The following IGSF11 variants were observed in gnomAD, a reference collection of about 807,000 sequenced individuals.
The protein encoded by IGSF11 is CXADR like 1.
In IGSF11, 22 loss-of-function variants were observed where a neutral mutation model predicts 41.0. The ratio of observed to expected loss-of-function variants is 0.54; its 90% CI spans 0.38 to 0.77. IGSF11 has a LOEUF of 0.77. IGSF11 is among the 30% of genes least tolerant of loss of function. The pLI is 0.00. For missense variants in IGSF11, 444 were observed against 530.8 expected, an observed-to-expected ratio of 0.84 and a Z score of 1.61; for synonymous variants, 219 against 201.3, an observed-to-expected ratio of 1.09 and a Z score of -0.74.
At chr3:118,944,541 C>T (rs1229502620) in intron 1 of IGSF11, among the ~76,000 whole-genome samples, 1 of 150,242 alleles carries the variant, frequency 6.7e-6, no homozygotes, top group Non-Finnish European at 1.5e-5. Flanking sequence ...CTTCAGATTT[C>T]AAAATTCTGC....
intron 1 of IGSF11, among the ~76,000 whole-genome samples, chr3:119,084,111 G>A (rs2076631985): frequency 6.6e-6 from 1 of 152,122 alleles, no homozygotes; most frequent in Non-Finnish European, 1.5e-5. Flanking sequence ...AAAAATAGAG[G>A]AGGGGGCAAG....
At chr3:119,052,121 C>A (rs145913346) in intron 1 of IGSF11, among the ~76,000 whole-genome samples, 1 of 151,910 alleles carries the variant, frequency 6.6e-6, no homozygotes, top group East Asian at 1.9e-4. Flanking sequence ...AAAGAAATAA[C>A]AAATATCAGA....
At chr3:118,940,624 T>C (rs1231392582) in intron 1 of IGSF11, among the ~76,000 whole-genome samples, 1 of 152,082 alleles carries the variant, frequency 6.6e-6, no homozygotes, top group Admixed American at 6.5e-5. Flanking sequence ...TTAGATTTAA[T>C]AGAACCCAAA....
intron 1 of IGSF11, among the ~76,000 whole-genome samples, chr3:119,017,735 A>T (rs1938865345): frequency 6.6e-6 from 1 of 151,264 alleles, no homozygotes; most frequent in Non-Finnish European, 1.5e-5. Flanking sequence ...CTAAAATTAT[A>T]AACTCAGTGG....
At chr3:119,093,710 T>G (rs1269167622) in intron 1 of IGSF11, among the ~76,000 whole-genome samples, 1 of 152,148 alleles carries the variant, frequency 6.6e-6, no homozygotes, top group African/African-American at 2.4e-5. Context: ...TCTGACATCA[T>G]CAGAGGTAAA....
chr3:119,110,791 G>A (rs1025504423), intron 1 of IGSF11, among the ~76,000 whole-genome samples: 6 of 151,250 alleles, frequency 4.0e-5, no homozygotes, highest in South Asian at 2.1e-4. Context: ...GCCTGGTGGT[G>A]ACAAAATCTC....
chr3:119,053,110 A>G (rs1458959833), intron 1 of IGSF11, among the ~76,000 whole-genome samples: 2 of 152,160 alleles, frequency 1.3e-5, no homozygotes, highest in African/African-American at 4.8e-5. Context: ...CACTTTCACC[A>G]CTTCTATTCA....
At position 118,902,458 on chromosome 3, in the gene IGSF11, C is replaced by T. The variant is rs1938982867; in HGVS notation, c.*62G>A. 1 of 616,434 alleles carries T rather than the reference C, an allele frequency of 1.6e-6. No homozygotes were observed. Among genetic ancestry groups the T allele is most frequent in the East Asian group, 2.9e-5 (1 of 33,924 alleles). 38.2% of individuals were successfully genotyped at this position (616,434 alleles called of 1,614,324 possible). A position where few individuals can be genotyped will look rare whatever the true frequency, so the allele number is the denominator to read the frequency against. On this transcript the variant is annotated 3_prime_UTR_variant, in exon 7 of 7. Coordinates refer to ENST00000393775, the MANE Select transcript of IGSF11 (RefSeq NM_001015887.3). ...TTCTTTCCCAGCACTCCCCACCCCA[C>T]CCTCCCCCTTGTATGAGGGCATTCC... is the stretch of plus-strand genomic sequence containing the variant.
chr3:119,144,451 C>A (rs1334749939), intron 1 of IGSF11, among the ~76,000 whole-genome samples: 1 of 152,086 alleles, frequency 6.6e-6, no homozygotes, highest in Non-Finnish European at 1.5e-5. Flanking sequence ...TACAATGTAT[C>A]TTCTCTGAAC....
In IGSF11 at chr3:118,902,578, C is replaced by G. The variant is rs745958640; in HGVS notation, c.1238G>C (p.Arg413Pro). The G allele has an allele frequency of 6.2e-7, 1 of 1,613,610 alleles. No individual in the cohort carries two copies. Among genetic ancestry groups the G allele is most frequent in the Non-Finnish European group, 8.5e-7 (1 of 1,179,912 alleles). The change falls in exon 7 of 7, where the codon CGA (arginine) becomes CCA (proline). Residue 413 changes from arginine to proline, a missense_variant. Physicochemically the swap from Arg to Pro is moderately radical, Grantham distance 103. Coordinates refer to ENST00000393775, the MANE Select transcript of IGSF11 (RefSeq NM_001015887.3). ...TACCATGACAGGTACTGCACCAATT[C>G]GTTCCAGTGTTGCGTGGCTGATGGT... ...SYTISHATLE[R>P]IGAVPVMVPA...
At chr3:118,907,265 A>G (rs1484273793) in intron 4 of IGSF11, among the ~76,000 whole-genome samples, 1 of 152,204 alleles carries the variant, frequency 6.6e-6, no homozygotes, top group Non-Finnish European at 1.5e-5. Context: ...GATCTGAGTA[A>G]AGTGTGCAGC....
chr3:119,087,986 C>T (rs180876162), intron 1 of IGSF11, among the ~76,000 whole-genome samples: 9 of 152,080 alleles, frequency 5.9e-5, no homozygotes, highest in Non-Finnish European at 1.5e-5. Flanking sequence ...TGGGAGACTG[C>T]CACACCCCAC....
chr3:119,031,046 C>T (rs1442636527), intron 1 of IGSF11, among the ~76,000 whole-genome samples: 1 of 152,114 alleles, frequency 6.6e-6, no homozygotes, highest in African/African-American at 2.4e-5. Flanking sequence ...CACTTGAGGT[C>T]AGGAGTTTGA....
At chr3:118,957,721 G>A (rs2107595273) in intron 1 of IGSF11, among the ~76,000 whole-genome samples, 1 of 152,190 alleles carries the variant, frequency 6.6e-6, no homozygotes, top group Non-Finnish European at 1.5e-5. Flanking sequence ...CCTCTGTTTT[G>A]AGGTAAAGTA....
chr3:119,060,495 T>C (rs777730775), intron 1 of IGSF11, among the ~76,000 whole-genome samples: 1 of 152,244 alleles, frequency 6.6e-6, no homozygotes, highest in Non-Finnish European at 1.5e-5. Flanking sequence ...TCCATATTTA[T>C]GGCATACTTA....
intron 1 of IGSF11, among the ~76,000 whole-genome samples, chr3:119,119,802 A>G (rs2077308693): frequency 6.6e-6 from 1 of 152,166 alleles, no homozygotes; most frequent in South Asian, 2.1e-4. Context: ...TATCAAAACA[A>G]TAGCAAACTG....
chr3:118,903,030 T>C, intron 6 of IGSF11, 69 bp from the exon 7 acceptor site: 2 of 1,429,836 alleles, frequency 1.4e-6, no homozygotes, highest in Admixed American at 1.9e-5. Flanking sequence ...TACCCTGGAA[T>C]CTTTCTTTTC....
intron 1 of IGSF11, among the ~76,000 whole-genome samples, chr3:119,021,623 A>G (rs988938746): frequency 1.3e-5 from 2 of 152,186 alleles, no homozygotes; most frequent in Non-Finnish European, 2.9e-5. Flanking sequence ...TAAGCCAGCC[A>G]TCACAAAAAA....
At chr3:118,997,996 A>C (rs1031104524) in intron 1 of IGSF11, among the ~76,000 whole-genome samples, 3 of 152,228 alleles carry the variant, frequency 2.0e-5, no homozygotes, top group Admixed American at 6.5e-5. Flanking sequence ...ATTTCTGCCA[A>C]CATCAGTGTT....
Sources: allele counts gnomAD v4.1 joint callset (sites outside exome capture counted in the v4.1 genomes callset), GRCh38; gene constraint gnomAD v4.1.1; transcripts MANE v1.5; gene names NCBI Gene and HGNC (gene_info 2026-07-23, HGNC 2026-07-21).